Variants in VPS13B observed in about 807,000 individuals in gnomAD.
VPS13B encodes vacuolar protein sorting 13 homolog B.
Under a neutral mutation model 426.4 loss-of-function variants are expected in VPS13B, and 285 were observed. The observed-to-expected ratio is 0.67, with a 90% CI of 0.61 to 0.74. The LOEUF (loss-of-function observed/expected upper bound fraction) is 0.74. VPS13B is among the 30% of genes least tolerant of loss of function. The pLI is 0.00. For synonymous variants in VPS13B, 1,676 were observed against 1,676.4 expected, an observed-to-expected ratio of 1.00 and a Z score of 0.01; for missense variants, 4,537 against 4,782.6, an observed-to-expected ratio of 0.95 and a Z score of 1.51.
chr8:99,327,771 C>A (rs927229496), intron 19 of VPS13B, among the ~76,000 whole-genome samples: 1 of 152,132 alleles, frequency 6.6e-6, no homozygotes, highest in Non-Finnish European at 1.5e-5. Flanking sequence ...TGGTTACTCA[C>A]AATTTGTATG....
At chr8:99,151,243 A>AT (rs1464264925) in intron 14 of VPS13B, among the ~76,000 whole-genome samples, 1 of 152,120 alleles carries the variant, frequency 6.6e-6, no homozygotes, top group African/African-American at 2.4e-5. Flanking sequence ...TTAATATTGA[A>AT]TTTTAAGGAT....
intron 17 of VPS13B, among the ~76,000 whole-genome samples, chr8:99,267,723 C>CAA (rs553692541): frequency 2.1e-4 from 25 of 120,938 alleles, no homozygotes; most frequent in African/African-American, 7.5e-4. Flanking sequence ...GAGACTCCGT[C>CAA]AAAAAAAAAA....
At position 99,106,722 on chromosome 8, in the gene VPS13B, A is replaced by T. The variant is rs1472027956; in HGVS notation, c.580+3602A>T. On this transcript the variant is annotated intron_variant, in intron 5 of 61. Coordinates refer to ENST00000357162, the MANE Select transcript of VPS13B (RefSeq NM_152564.5). ...ATTTTGGGCCTAGATTATTTTGCTC[A>T]ATATTATGTAAATGAAATTTATTCA... 2.0e-5 allele frequency among the ~76,000 whole-genome samples: 3 copies of T among 152,240 alleles called. No individual in the cohort carries two copies. In the East Asian group the frequency reaches 5.8e-4, roughly 29 times the overall value.
rs1821248803 is a variant in VPS13B at position 99,501,867 on chromosome 8, T to C, written c.4042+9T>C. 1 of 1,612,286 alleles carries C rather than the reference T, an allele frequency of 6.2e-7. No homozygotes were observed. Among genetic ancestry groups the C allele is most frequent in the African/African-American group, 1.3e-5 (1 of 74,258 alleles). On this transcript the variant is annotated intron_variant, in intron 26 of 61. Coordinates refer to ENST00000357162, the MANE Select transcript of VPS13B (RefSeq NM_152564.5). ...TGAAAATAAAGGCACAGGTACAGGA[T>C]TCCTTTTCTTTCTTCCCTCCCTCCC...
Position 99,594,093 on chromosome 8 carries a change from A to T in VPS13B, c.5220+16460A>T, listed in dbSNP as rs146605429. Among the ~76,000 whole-genome samples the T allele has an allele frequency of 4.6e-5, 7 of 151,982 alleles. No individual in the cohort carries two copies. In the East Asian group the frequency reaches 1.4e-3, roughly 29 times the overall value. ...AACTTAAACGTTAAAGGAAAAAAAA[A>T]TGCTTTTCTTTTGCATCAGGGGAGT... On this transcript the variant is annotated intron_variant, in intron 33 of 61. Coordinates refer to ENST00000357162, the MANE Select transcript of VPS13B (RefSeq NM_152564.5).
chr8:99,231,842 A>T (rs1816337941), intron 17 of VPS13B, among the ~76,000 whole-genome samples: 1 of 152,188 alleles, frequency 6.6e-6, no homozygotes, highest in Admixed American at 6.5e-5. Flanking sequence ...ACATTTTTTT[A>T]AAAAAGAAAG....
intron 39 of VPS13B, among the ~76,000 whole-genome samples, chr8:99,754,687 A>G (rs1214268335): frequency 6.6e-6 from 1 of 152,122 alleles, no homozygotes; most frequent in Non-Finnish European, 1.5e-5. Flanking sequence ...GTACTTGTCT[A>G]CTAATTTTCT....
intron 33 of VPS13B, among the ~76,000 whole-genome samples, chr8:99,605,741 T>A (rs1827536472): frequency 6.6e-6 from 1 of 152,208 alleles, no homozygotes; most frequent in Non-Finnish European, 1.5e-5. Context: ...TTTAGCATTC[T>A]CCAGGGCAGG....
chr8:99,267,526 G>A (rs1818367824), intron 17 of VPS13B, among the ~76,000 whole-genome samples: 3 of 151,882 alleles, frequency 2.0e-5, no homozygotes, highest in African/African-American at 7.3e-5. Context: ...TCAGGAGATC[G>A]AGACCATCCT....
At chr8:99,236,796 C>T (rs1338343035) in intron 17 of VPS13B, among the ~76,000 whole-genome samples, 10 of 152,136 alleles carry the variant, frequency 6.6e-5, no homozygotes, top group Admixed American at 5.9e-4. Context: ...GCATTGCTCA[C>T]GTGATGTGTA....
At chr8:99,449,652 CTG>C (rs1221500167) in intron 23 of VPS13B, among the ~76,000 whole-genome samples, 2 of 152,130 alleles carry the variant, frequency 1.3e-5, no homozygotes, top group Non-Finnish European at 2.9e-5. Context: ...TGAGGAAAAA[CTG>C]TGAGGCACTA....
At chr8:99,380,570 A>T (rs545840118) in intron 19 of VPS13B, among the ~76,000 whole-genome samples, 7 of 152,030 alleles carry the variant, frequency 4.6e-5, no homozygotes, top group Admixed American at 6.6e-5. Flanking sequence ...GGGCCCATGG[A>T]AAAAATAGAA....
Position 99,642,171 on chromosome 8 carries a change from A to T in VPS13B, c.5581A>T (p.Lys1861Ter). 6.2e-7 allele frequency: 1 copy of T among 1,614,162 alleles called. No individual in the cohort carries two copies. Among genetic ancestry groups the T allele is most frequent in the Non-Finnish European group, 8.5e-7 (1 of 1,180,026 alleles). ...CCCAGAAGTTGATTCAGATGTTGCT[A>T]AGCCCAACCAGGCATGTATTTCCAC... ...NLPEVDSDVA[K>*]PNQACISTVT... Residue 1861 changes from lysine (K) to a stop codon, truncating the protein, a stop_gained, in exon 34 of 62, where the codon AAG becomes TAG. Coordinates refer to ENST00000357162, the MANE Select transcript of VPS13B (RefSeq NM_152564.5). LOFTEE classifies it high-confidence loss of function.
chr8:99,478,447 G>GTTTTTTTTTTTTTTTTTTTTTTT (rs56261645), intron 24 of VPS13B, among the ~76,000 whole-genome samples: 22 of 85,762 alleles, frequency 2.6e-4, no homozygotes, highest in Admixed American at 5.8e-4. Context: ...TTTTTGTTTT[G>GTTTTTTTTTTTTTTTTTTTTTTT]TTTTTTTTTT....
intron 49 of VPS13B, 53 bp downstream of exon 49, chr8:99,820,175 T>C (rs1814281121): frequency 1.3e-6 from 2 of 1,560,494 alleles, no homozygotes; most frequent in African/African-American, 1.4e-5. Context: ...CAAGTAGATT[T>C]TATTGTAAAG....
At chr8:99,103,382 T>C (rs1846864100) in intron 5 of VPS13B, among the ~76,000 whole-genome samples, 2 of 152,044 alleles carry the variant, frequency 1.3e-5, no homozygotes, top group South Asian at 4.2e-4. Flanking sequence ...CAGGCTGGAG[T>C]GCAGTGGTGT....
intron 33 of VPS13B, among the ~76,000 whole-genome samples, chr8:99,591,586 G>T (rs540403701): frequency 6.6e-6 from 1 of 151,970 alleles, no homozygotes; most frequent in Non-Finnish European, 1.5e-5. Flanking sequence ...GTCTGTAAAG[G>T]ATTTTATTTC....
At chr8:99,356,012 G>A (rs549516259) in intron 19 of VPS13B, among the ~76,000 whole-genome samples, 17 of 152,196 alleles carry the variant, frequency 1.1e-4, no homozygotes, top group Non-Finnish European at 1.3e-4. Context: ...TGCTACCCAC[G>A]TCATATCATT....
At chr8:99,080,076 T>C (rs889373753) in intron 3 of VPS13B, among the ~76,000 whole-genome samples, 1 of 150,904 alleles carries the variant, frequency 6.6e-6, no homozygotes, top group African/African-American at 2.4e-5. Context: ...AAATTATATA[T>C]AACATTAATG....
Sources: allele counts gnomAD v4.1 joint callset (sites outside exome capture counted in the v4.1 genomes callset), GRCh38; gene constraint gnomAD v4.1.1; transcripts MANE v1.5; gene names NCBI Gene and HGNC (gene_info 2026-07-23, HGNC 2026-07-21).